Variants in OGT observed in about 807,000 individuals in gnomAD.
OGT encodes the protein O-linked N-acetylglucosamine (GlcNAc) transferase.
In OGT, 3 loss-of-function variants were observed where a neutral mutation model predicts 75.8. That is an observed-to-expected ratio of 0.04 (90% CI 0.02 to 0.10). The LOEUF (loss-of-function observed/expected upper bound fraction) is 0.10. Ranked by LOEUF, OGT falls within the 10% of genes least tolerant of loss-of-function variation. OGT has a pLI of 1.00. For synonymous variants in OGT, 257 were observed against 289.7 expected (o/e 0.89, Z 1.15); for missense variants, 260 against 824.4 (o/e 0.32, Z 8.38).
Position 71,575,349 on chromosome X carries a change from T to C in OGT, c.*1555T>C, listed in dbSNP as rs1328844167. Reference sequence around the variant, plus strand: ...AGAACTTGAATTTCTGGAAGATTCTTACTGTTAACCAAATTTTGAGCAAGG... The same window carrying C: ...AGAACTTGAATTTCTGGAAGATTCTCACTGTTAACCAAATTTTGAGCAAGG... On this transcript the variant is annotated 3_prime_UTR_variant, in exon 22 of 22. Coordinates refer to ENST00000373719, the MANE Select transcript of OGT (RefSeq NM_181672.3). 1 of 112,557 alleles carries C rather than the reference T, an allele frequency of 8.9e-6. No homozygotes were observed. The highest frequency in any genetic ancestry group is 9.5e-5 in the Admixed American group (1 of 10,545). 9.3% of individuals were successfully genotyped at this position (112,557 alleles called of 1,213,427 possible).
chrX:71,538,006 C>A lies in OGT; in HGVS notation c.396C>A (p.Ala132=). The change falls in exon 3 of 22, where the codon GCC becomes GCA. Residue 132 remains alanine, a synonymous_variant. Transcript: ENST00000373719. ...ATGGTTATATTAACCTGGCAGCCGC[C>A]TTGGTAGCAGCGGGTGACATGGAAG... ...FIDGYINLAA[A]LVAAGDMEGA... 8.3e-7 allele frequency: 1 copy of A among 1,211,815 alleles called. No homozygotes were observed. The highest frequency in any genetic ancestry group is 1.8e-5 in the South Asian group (1 of 57,026).
chrX:71,555,396 T>C lies in OGT; in HGVS notation c.924+11T>C, dbSNP rs754632008. 1 of 1,192,535 alleles carries C rather than the reference T, an allele frequency of 8.4e-7. No homozygotes were observed. Among genetic ancestry groups the C allele is most frequent in the African/African-American group, 1.8e-5 (1 of 56,969 alleles). On this transcript the variant is annotated intron_variant, in intron 7 of 21. Transcript: ENST00000373719. ...AAAGAGAAGGGCAGTGTAAGGATTT[T>C]TACTCATTCTATTTGTTATCTGGTA... is the stretch of plus-strand genomic sequence containing the variant.
In OGT at chrX:71,537,995, C is replaced by T; in HGVS notation, c.385C>T (p.Leu129=). Residue 129 remains leucine, a synonymous_variant, in exon 3 of 22, where the codon CTG becomes TTG. Transcript: ENST00000373719. ...KPDFIDGYIN[L]AAALVAAGDM... is the part of the protein sequence containing the mutation. ...TGATTTCATCGATGGTTATATTAACCTGGCAGCCGCCTTGGTAGCAGCGGG... is the reference window on the plus strand; with the variant it reads ...TGATTTCATCGATGGTTATATTAACTTGGCAGCCGCCTTGGTAGCAGCGGG... The T allele has an allele frequency of 2.4e-5, 29 of 1,211,784 alleles. No homozygotes were observed. The highest frequency in any genetic ancestry group is 3.2e-5 in the Non-Finnish European group (29 of 895,394).
intron 3 of OGT, among the ~76,000 whole-genome samples, chrX:71,538,324 G>A (rs978543763): frequency 8.9e-6 from 1 of 112,424 alleles, no homozygotes; most frequent in Non-Finnish European, 1.9e-5. Context: ...AAAATAACAC[G>A]TATAAAGTAC....
chrX:71,571,068 C>T (rs981290524), intron 21 of OGT, among the ~76,000 whole-genome samples: 2 of 109,025 alleles, frequency 1.8e-5, no homozygotes, highest in African/African-American at 3.3e-5. Flanking sequence ...CCCAAAGTGG[C>T]GGGATTACAG....
intron 12 of OGT, among the ~76,000 whole-genome samples, chrX:71,558,073 A>G (rs1013792379): frequency 9.4e-4 from 102 of 108,829 alleles, no homozygotes; most frequent in Admixed American, 2.2e-3. Flanking sequence ...CTCCCACCTC[A>G]GCCTCCTGAG....
chrX:71,562,987 T>C lies in OGT; in HGVS notation c.2118T>C (p.Gly706=). Residue 706 remains glycine (G), a synonymous_variant, in exon 16 of 22, where the codon GGT becomes GGC. Transcript: ENST00000373719. ...LAYMPHTFFI[G]DHANMFPHLK... ...ATATGCCCCACACTTTTTTTATTGG[T>C]GATCATGCTAATATGTTCCCTCACC... is the stretch of plus-strand genomic sequence containing the variant. 1 of 1,209,203 alleles carries C rather than the reference T, an allele frequency of 8.3e-7. No individual in the cohort carries two copies. The highest frequency in any genetic ancestry group is 1.1e-6 in the Non-Finnish European group (1 of 893,356).
chrX:71,547,822 C>A lies in OGT; in HGVS notation c.532-85C>A, dbSNP rs753050947. ...TATCACCTTCTTCCCCCCCTCCCCCCAATCTTTTTTTTTTCCCTTTACAAA... is the reference window on the plus strand; with the variant it reads ...TATCACCTTCTTCCCCCCCTCCCCCAAATCTTTTTTTTTTCCCTTTACAAA... On this transcript the variant is annotated intron_variant, in intron 4 of 21. Transcript: ENST00000373719. 6.3e-6 allele frequency: 7 copies of A among 1,110,693 alleles called. No homozygotes were observed. The Admixed American group carries it at 1.4e-4, about 23-fold the overall frequency. The allele number at this position is 1,110,693 out of a possible 1,213,427, so 91.5% of individuals were successfully genotyped here. A position where few individuals can be genotyped will look rare whatever the true frequency, so the allele number is the denominator to read the frequency against.
chrX:71,541,507 G>GA (rs1365723735), intron 3 of OGT, among the ~76,000 whole-genome samples: 2 of 111,407 alleles, frequency 1.8e-5, no homozygotes, highest in African/African-American at 6.5e-5. Context: ...ACCCGTAAAG[G>GA]AAAAAATGGT....
chrX:71,545,590 T>G (rs759439932), intron 4 of OGT: 1 of 112,657 alleles, frequency 8.9e-6, no homozygotes, highest in South Asian at 3.6e-4. Flanking sequence ...CGCATGCTAA[T>G]GCGTGGAGTG....
At chrX:71,572,822 T>C (rs1382702363) in intron 21 of OGT, among the ~76,000 whole-genome samples, 2 of 112,284 alleles carry the variant, frequency 1.8e-5, no homozygotes, top group Non-Finnish European at 3.8e-5. Flanking sequence ...ACAGAAATGT[T>C]CTGGCTTCTG....
In OGT at chrX:71,535,488, C is replaced by A. The variant is rs185468274; in HGVS notation, c.38-690C>A. Among the ~76,000 whole-genome samples the A allele has an allele frequency of 2.6e-3, 290 of 112,014 alleles. 1 individual carries two copies. The highest frequency in any genetic ancestry group is 8.9e-3 in the African/African-American group (275 of 30,855). ...GGTCTTTATTTAAAATGTTTGATGACCCCTTTAACTATTTTGGCTGTTGTC... is the reference window on the plus strand; with the variant it reads ...GGTCTTTATTTAAAATGTTTGATGAACCCTTTAACTATTTTGGCTGTTGTC... On this transcript the variant is annotated intron_variant, in intron 1 of 21. Transcript: ENST00000373719.
chrX:71,565,429 A>G (rs1602154521), intron 19 of OGT, among the ~76,000 whole-genome samples: 1 of 110,229 alleles, frequency 9.1e-6, no homozygotes, highest in South Asian at 3.9e-4. Context: ...GGGTTTCACC[A>G]TGTTGGCTAG....
chrX:71,534,430 T>C (rs1369317527), intron 1 of OGT: 4 of 110,908 alleles, frequency 3.6e-5, no homozygotes, highest in Non-Finnish European at 5.7e-5. Flanking sequence ...TGCCTTTCCA[T>C]ATTGAGGCGA....
At chrX:71,570,071 C>T (rs1431619441) in intron 21 of OGT, among the ~76,000 whole-genome samples, 1 of 73,303 alleles carries the variant, frequency 1.4e-5, no homozygotes, top group Non-Finnish European at 2.5e-5. Flanking sequence ...GAGACAGCCT[C>T]GCACTGTTGC....
intron 11 of OGT, 68 bp from the exon 12 acceptor site, chrX:71,557,423 CAA>C (rs745676926): frequency 2.0e-4 from 219 of 1,117,240 alleles, no homozygotes; most frequent in Non-Finnish European, 8.5e-6. Flanking sequence ...TACTTTAGGC[CAA>C]AGACATATCA....
rs762289510 is a variant in OGT, at chrX:71,567,326, A to AG, written c.2590-171dup. Among the ~76,000 whole-genome samples, 6 of 112,086 alleles carry AG rather than the reference A, an allele frequency of 5.4e-5. No homozygotes were observed. In the East Asian group the frequency reaches 1.7e-3, roughly 31 times the overall value. ...CACTTTGAGGACAGCTAAGCAGAAG[A>AG]GGGATAATTCAATTGATCTCATTCA... On this transcript the variant is annotated intron_variant, in intron 19 of 21. Transcript: ENST00000373719.
chrX:71,550,202 CA>C (rs1397744383), intron 5 of OGT, among the ~76,000 whole-genome samples: 2 of 112,011 alleles, frequency 1.8e-5, no homozygotes, highest in Non-Finnish European at 3.8e-5. Flanking sequence ...CTTCCCCCAT[CA>C]GTTACAAGGC....
chrX:71,550,584 C>G (rs985665981), intron 5 of OGT, among the ~76,000 whole-genome samples: 2 of 111,267 alleles, frequency 1.8e-5, no homozygotes, highest in Admixed American at 9.6e-5. Context: ...TGTTTAGATC[C>G]TTTGCCCGTA....
Sources: gnomAD v4.1 joint callset for allele counts (sites outside exome capture counted in the v4.1 genomes callset) on GRCh38, gnomAD v4.1.1 for gene constraint, MANE v1.5 for transcripts, NCBI Gene and HGNC (gene_info 2026-07-23, HGNC 2026-07-21) for gene names.